The following PFKFB3 variants were observed in gnomAD, a reference collection of about 807,000 sequenced individuals.
PFKFB3 encodes the protein 6-phosphofructo-2-kinase/fructose-2,6-bisphosphatase 3.
A neutral mutation model predicts 68.0 loss-of-function variants in PFKFB3; 33 were observed. That is an observed-to-expected ratio of 0.49 (90% CI 0.37 to 0.65). The LOEUF is 0.65. Ranked by LOEUF, PFKFB3 falls within the 30% of genes least tolerant of loss-of-function variation. The pLI is 0.00. For synonymous variants in PFKFB3, 315 were observed against 288.2 expected, an observed-to-expected ratio of 1.09 and a Z score of -0.94; for missense variants, 586 against 712.2, an observed-to-expected ratio of 0.82 and a Z score of 2.02.
chr10:6,291,549 C>G, the PFKFB3 span, among the ~76,000 whole-genome samples: 1 of 138,956 alleles, frequency 7.2e-6, no homozygotes, highest in African/African-American at 2.8e-5. Flanking sequence ...AAGTGAGACT[C>G]TGTCTCAAAA....
intron 6 of PFKFB3, among the ~76,000 whole-genome samples, chr10:6,218,632 TG>T (rs1156448399): frequency 1.3e-5 from 2 of 152,050 alleles, no homozygotes; most frequent in Non-Finnish European, 2.9e-5. Context: ...GGGGTTTCAC[TG>T]TGTTGGCCAG....
the PFKFB3 span, among the ~76,000 whole-genome samples, chr10:6,317,465 G>A: frequency 6.6e-6 from 1 of 152,176 alleles, no homozygotes. Flanking sequence ...CAATTTTCAG[G>A]TTTCTTCCTA....
At chr10:6,253,149 A>C (rs1043975768) in intron 14 of PFKFB3, among the ~76,000 whole-genome samples, 1 of 152,038 alleles carries the variant, frequency 6.6e-6, no homozygotes, top group African/African-American at 2.4e-5. Flanking sequence ...TGAACTCCTG[A>C]CCTTGTGATC....
At chr10:6,274,888 T>C in the PFKFB3 span, among the ~76,000 whole-genome samples, 1 of 126,968 alleles carries the variant, frequency 7.9e-6, no homozygotes, top group East Asian at 2.1e-4. Flanking sequence ...CATGAACATA[T>C]TATGATTTTT....
chr10:6,226,419 C>T, intron 14 of PFKFB3, 54 bp downstream of exon 14: 1 of 1,531,168 alleles, frequency 6.5e-7, no homozygotes, highest in Non-Finnish European at 8.9e-7. Flanking sequence ...GGGCGTGATG[C>T]CACAGATCTG....
chr10:6,254,542 G>C (rs1307706258), exon 15 of PFKFB3: 2 of 395,060 alleles, frequency 5.1e-6, no homozygotes, highest in African/African-American at 2.1e-5. Context: ...TGATGCAAGA[G>C]AGATACGCAT....
chr10:6,196,296 AATTTTTTGTATT>A (rs1220011668), intron 1 of PFKFB3, among the ~76,000 whole-genome samples: 2 of 152,046 alleles, frequency 1.3e-5, no homozygotes, highest in African/African-American at 4.8e-5. Flanking sequence ...ACACCCGGCT[AATTTTTTGTATT>A]ATTTTTTGTA....
At chr10:6,166,577 G>A (rs368345671) in intron 1 of PFKFB3, among the ~76,000 whole-genome samples, 114 of 152,264 alleles carry the variant, frequency 7.5e-4, no homozygotes, top group African/African-American at 2.7e-3. Context: ...GTCTACCTCA[G>A]GGGAAGAGGG....
At chr10:6,267,336 A>C in the PFKFB3 span, among the ~76,000 whole-genome samples, 1 of 152,266 alleles carries the variant, frequency 6.6e-6, no homozygotes. Flanking sequence ...CGTACTAATG[A>C]GTGAGGAAGG....
At chr10:6,269,143 C>T in the PFKFB3 span, among the ~76,000 whole-genome samples, 1 of 151,864 alleles carries the variant, frequency 6.6e-6, no homozygotes, top group African/African-American at 2.4e-5. Flanking sequence ...ATGGGCTCCC[C>T]TCCCTGGGTC....
At chr10:6,205,487 G>C (rs1843623626) in intron 1 of PFKFB3, among the ~76,000 whole-genome samples, 1 of 149,838 alleles carries the variant, frequency 6.7e-6, no homozygotes, top group African/African-American at 2.5e-5. Context: ...CTGCCTCCGG[G>C]TTTCAAGCGA....
chr10:6,255,850 A>G (rs1846487626), downstream of PFKFB3, among the ~76,000 whole-genome samples: 1 of 152,110 alleles, frequency 6.6e-6, no homozygotes, highest in Admixed American at 6.6e-5. Context: ...TGTGCGGGAG[A>G]CGTGTCACAG....
chr10:6,193,452 T>C (rs1308768310), intron 1 of PFKFB3, among the ~76,000 whole-genome samples: 1 of 152,252 alleles, frequency 6.6e-6, no homozygotes, highest in Non-Finnish European at 1.5e-5. Flanking sequence ...CAAGCATAGA[T>C]TGAACACCTT....
chr10:6,200,357 T>G (rs1843297065), upstream of PFKFB3, among the ~76,000 whole-genome samples: 2 of 152,236 alleles, frequency 1.3e-5, no homozygotes, highest in East Asian at 3.9e-4. Flanking sequence ...GGAGGGAAGT[T>G]GGCCAAGCCC....
intron 1 of PFKFB3, 45 bp downstream of exon 1, chr10:6,203,381 G>GGGCC: frequency 6.7e-7 from 1 of 1,497,712 alleles, no homozygotes; most frequent in Admixed American, 1.9e-5. Flanking sequence ...GGGCTGCGCC[G>GGGCC]GGCCGGGCCA....
At chr10:6,309,853 T>C in the PFKFB3 span, among the ~76,000 whole-genome samples, 3 of 152,140 alleles carry the variant, frequency 2.0e-5, no homozygotes, top group Non-Finnish European at 2.9e-5. Flanking sequence ...CTGTGCTGTT[T>C]CCATAAATGT....
At chr10:6,145,064 A>T in intron 1 of PFKFB3, 7 of 1,287,894 alleles carry the variant, frequency 5.4e-6, no homozygotes, top group Non-Finnish European at 6.9e-6. Context: ...CGGGGACCTG[A>T]GCGGCCGCCT....
chr10:6,145,973 A>C (rs900552115), intron 1 of PFKFB3, among the ~76,000 whole-genome samples: 2 of 152,134 alleles, frequency 1.3e-5, no homozygotes, highest in African/African-American at 4.8e-5. Flanking sequence ...GAGCTGCAGA[A>C]GTGTGGGGAG....
At chr10:6,231,835 C>T (rs1845766785) in intron 14 of PFKFB3, among the ~76,000 whole-genome samples, 1 of 151,448 alleles carries the variant, frequency 6.6e-6, no homozygotes, top group South Asian at 2.1e-4. Context: ...GCACTCATCA[C>T]CTCCCGGTGG....
Sources: allele counts gnomAD v4.1 joint callset (sites outside exome capture counted in the v4.1 genomes callset), GRCh38; gene constraint gnomAD v4.1.1; transcripts MANE v1.5; gene names NCBI Gene and HGNC (gene_info 2026-07-23, HGNC 2026-07-21).